The following CCDC60 variants were observed in gnomAD, a reference collection of about 807,000 sequenced individuals.
CCDC60 encodes the protein coiled-coil domain containing 60.
CCDC60 carries 54 observed loss-of-function variants against 63.5 expected under a neutral mutation model. The observed-to-expected ratio is 0.85, with a 90% CI of 0.68 to 1.07. The LOEUF (loss-of-function observed/expected upper bound fraction) is 1.07, where lower values mean the gene tolerates loss of function less well. Ranked by LOEUF, CCDC60 falls within the 50% of genes least tolerant of loss-of-function variation. The probability of loss-of-function intolerance (pLI) is 0.00; values close to 1 mark genes in which losing one functional copy is unlikely to be tolerated. For missense variants in CCDC60, 651 were observed against 684.3 expected (o/e 0.95, Z 0.54); for synonymous variants, 206 against 238.8 (o/e 0.86, Z 1.27).
intron 7 of CCDC60, among the ~76,000 whole-genome samples, chr12:119,506,357 C>T (rs959410626): frequency 2.0e-5 from 3 of 147,592 alleles, no homozygotes; most frequent in Admixed American, 1.4e-4. Context: ...AATCCCAGAA[C>T]TTAGGGAGAT....
chr12:119,371,746 TC>T (rs1027215799), intron 1 of CCDC60, among the ~76,000 whole-genome samples: 1 of 152,186 alleles, frequency 6.6e-6, no homozygotes, highest in African/African-American at 2.4e-5. Flanking sequence ...TAGGCTTTTC[TC>T]CGGGCTTCAA....
At chr12:119,397,203 G>T (rs1457408292) in intron 1 of CCDC60, among the ~76,000 whole-genome samples, 1 of 152,226 alleles carries the variant, frequency 6.6e-6, no homozygotes, top group Non-Finnish European at 1.5e-5. Context: ...AACCCAAAGA[G>T]TGAGCAGCAG....
At chr12:119,531,875 A>C (rs903168452) in intron 13 of CCDC60, among the ~76,000 whole-genome samples, 17 of 152,242 alleles carry the variant, frequency 1.1e-4, no homozygotes, top group African/African-American at 4.1e-4. Flanking sequence ...CTCCACAGTA[A>C]GGTGTTAGCA....
intron 2 of CCDC60, among the ~76,000 whole-genome samples, chr12:119,430,715 TC>T (rs918696934): frequency 1.4e-5 from 2 of 144,640 alleles, no homozygotes; most frequent in African/African-American, 5.1e-5. Flanking sequence ...TAGCAGGAAC[TC>T]AGCCATCTGC....
chr12:119,360,897 G>T (rs1380841148), intron 1 of CCDC60, among the ~76,000 whole-genome samples: 3 of 152,184 alleles, frequency 2.0e-5, no homozygotes, highest in Admixed American at 6.5e-5. Flanking sequence ...ACCTCGGGAG[G>T]CCGAGGCTGG....
rs539437567 is a variant in CCDC60, at chr12:119,345,531, A to T, written c.90+10265A>T. ...ATAAATAAATAAATAAATAAATAAG[A>T]GAGAGACAGCAAATGGGGCCTGCAG... On this transcript the variant is annotated intron_variant, in intron 1 of 13. Transcript: ENST00000327554. Among the ~76,000 whole-genome samples the T allele has an allele frequency of 1.2e-4, 16 of 134,332 alleles. No individual in the cohort carries two copies. The East Asian group carries it at 3.5e-3, about 29-fold the overall frequency. The allele number at this position is 134,332 out of a possible 152,430, so 88.1% of individuals were successfully genotyped here. A position where few individuals can be genotyped will look rare whatever the true frequency, so the allele number is the denominator to read the frequency against.
intron 5 of CCDC60, among the ~76,000 whole-genome samples, chr12:119,491,296 T>C (rs1039682343): frequency 6.6e-6 from 1 of 152,184 alleles, no homozygotes; most frequent in Non-Finnish European, 1.5e-5. Context: ...CTGTGTGGAA[T>C]ATCCTTACAC....
intron 2 of CCDC60, among the ~76,000 whole-genome samples, chr12:119,440,710 G>A (rs1950427429): frequency 1.3e-5 from 2 of 152,120 alleles, no homozygotes; most frequent in South Asian, 4.1e-4. Flanking sequence ...GGAATACAGA[G>A]TGGGGCAGAA....
chr12:119,442,440 C>T (rs1369259196), intron 2 of CCDC60, among the ~76,000 whole-genome samples: 1 of 152,156 alleles, frequency 6.6e-6, no homozygotes, highest in Non-Finnish European at 1.5e-5. Context: ...ATGGCGAAAC[C>T]ACGTCTCTAT....
chr12:119,346,832 C>CTTTTTCT, intron 1 of CCDC60, among the ~76,000 whole-genome samples: 1 of 91,110 alleles, frequency 1.1e-5, no homozygotes, highest in Non-Finnish European at 2.4e-5. Flanking sequence ...TTCTTTCTTT[C>CTTTTTCT]TTTTTTTTTT....
chr12:119,381,292 C>T (rs1442972800), intron 1 of CCDC60, among the ~76,000 whole-genome samples: 1 of 152,172 alleles, frequency 6.6e-6, no homozygotes, highest in Non-Finnish European at 1.5e-5. Flanking sequence ...TTGCCTTTGG[C>T]TCAATATCTC....
intron 2 of CCDC60, among the ~76,000 whole-genome samples, chr12:119,450,735 G>A (rs1950615388): frequency 6.6e-6 from 1 of 152,096 alleles, no homozygotes; most frequent in African/African-American, 2.4e-5. Flanking sequence ...GTGCGTGCCT[G>A]TAGTCCCAGC....
At chr12:119,510,779 G>T (rs1360813003) in intron 7 of CCDC60, among the ~76,000 whole-genome samples, 2 of 152,024 alleles carry the variant, frequency 1.3e-5, no homozygotes, top group African/African-American at 4.8e-5. Context: ...TCACATTCTA[G>T]GATGGAAGAA....
chr12:119,347,118 G>A (rs560203266), intron 1 of CCDC60, among the ~76,000 whole-genome samples: 14 of 152,030 alleles, frequency 9.2e-5, no homozygotes, highest in South Asian at 4.2e-4. Flanking sequence ...CCACGTGCCC[G>A]GCCTAGACTC....
chr12:119,433,607 G>A, intron 2 of CCDC60: 1 of 701,848 alleles, frequency 1.4e-6, no homozygotes, highest in Non-Finnish European at 2.6e-6. Flanking sequence ...CCATATCCCA[G>A]TATTAAATGA....
At chr12:119,403,986 C>T (rs1030783931) in intron 1 of CCDC60, among the ~76,000 whole-genome samples, 3 of 152,134 alleles carry the variant, frequency 2.0e-5, no homozygotes, top group East Asian at 1.9e-4. Flanking sequence ...TAGAACTGTA[C>T]TCAGAAGTCA....
chr12:119,403,335 G>A (rs1209685133), intron 1 of CCDC60, among the ~76,000 whole-genome samples: 2 of 152,318 alleles, frequency 1.3e-5, no homozygotes, highest in African/African-American at 4.8e-5. Flanking sequence ...TGGAAGGTGA[G>A]AGAGGAAGGC....
intron 1 of CCDC60, among the ~76,000 whole-genome samples, chr12:119,354,818 G>A (rs1214481070): frequency 1.3e-5 from 2 of 152,218 alleles, no homozygotes; most frequent in African/African-American, 4.8e-5. Context: ...AGTAGCAGTA[G>A]AATTCAGGCT....
At chr12:119,489,046 T>C (rs1951522631) in intron 5 of CCDC60, among the ~76,000 whole-genome samples, 180 bp downstream of exon 5, 1 of 152,202 alleles carries the variant, frequency 6.6e-6, no homozygotes, top group Admixed American at 6.5e-5. Context: ...TGCAGATTCG[T>C]GGGAGCCGGT....
Sources: allele counts gnomAD v4.1 joint callset (sites outside exome capture counted in the v4.1 genomes callset), GRCh38; gene constraint gnomAD v4.1.1; transcripts MANE v1.5; gene names NCBI Gene and HGNC (gene_info 2026-07-23, HGNC 2026-07-21).